SYT5: variants seen among roughly 807,000 people sequenced by gnomAD.
SYT5 encodes the protein synaptotagmin 5, also known as synaptotagmin-5.
SYT5 carries 29 observed loss-of-function variants against 36.0 expected under a neutral mutation model. The ratio of observed to expected loss-of-function variants is 0.81; its 90% CI spans 0.60 to 1.10. The LOEUF is 1.10. SYT5 is among the 50% of genes least tolerant of loss of function. The pLI, the probability that SYT5 is intolerant of heterozygous loss-of-function variation, is 0.00. For missense variants in SYT5, 512 were observed against 516.0 expected (o/e 0.99, Z 0.08); for synonymous variants, 231 against 227.6 (o/e 1.02, Z -0.14).
At position 55,173,679 on chromosome 19, in the gene SYT5, C is replaced by A; in HGVS notation, c.966G>T (p.Val322=). ...AGTCCAGCACGGTCAGCTCCACCTGCACCTTCTGGGGTGGGCGCGGGAGGA... is the reference window on the plus strand; with the variant it reads ...AGTCCAGCACGGTCAGCTCCACCTGAACCTTCTGGGGTGGGCGCGGGAGGA... ...FEVPCDQVQK[V]QVELTVLDYD... The change falls in exon 9 of 9, where the codon GTG becomes GTT. Residue 322 remains valine, a synonymous_variant. Transcript: ENST00000354308. The surrounding 1 kb of genome is among the most constrained non-coding windows in gnomAD (Gnocchi z 5.4). 2.1e-6 allele frequency: 3 copies of A among 1,410,954 alleles called. No individual in the cohort carries two copies. The highest frequency in any genetic ancestry group is 3.1e-5 in the South Asian group (2 of 65,004). The allele number at this position is 1,410,954 out of a possible 1,614,324, so 87.4% of individuals were successfully genotyped here.
chr19:55,178,365 G>T lies in SYT5; in HGVS notation c.83C>A (p.Pro28His). The stretch of plus-strand genomic sequence containing the variant: ...CACGATGGTGGCCAGGGCCCAGGGG[G>T]GCACTGCAGAGGGGTGGAGACAACA... ...DSSRISHGPV[P>H]PWALATIVLV... The change falls in exon 3 of 9, where the codon CCC becomes CAC. Residue 28 changes from proline to histidine, a missense_variant. Pro to His is a moderately conservative substitution (Grantham distance 77). Transcript: ENST00000354308. 6.2e-7 allele frequency: 1 copy of T among 1,609,796 alleles called. No homozygotes were observed. The highest frequency in any genetic ancestry group is 1.3e-5 in the African/African-American group (1 of 75,056).
At chr19:55,177,889 T>C (rs943881888) in intron 3 of SYT5, among the ~76,000 whole-genome samples, 2 of 152,240 alleles carry the variant, frequency 1.3e-5, no homozygotes, top group Non-Finnish European at 1.5e-5. Flanking sequence ...TGTAGGTTTC[T>C]ATACAGTGGG....
rs537469871 is a variant in SYT5, at chr19:55,176,843, T to C, written c.253-719A>G. ...CGGATGCTAATTGAACAGCTCCTTA[T>C]TGAGAAGGAAGGAGGGGAAATACCA... On this transcript the variant is annotated intron_variant, in intron 3 of 8. Transcript: ENST00000354308. 5.9e-5 allele frequency among the ~76,000 whole-genome samples: 9 copies of C among 152,238 alleles called. No individual in the cohort carries two copies. In the East Asian group the frequency reaches 1.7e-3, roughly 29 times the overall value.
At chr19:55,174,859 C>T (rs1283822527) in intron 7 of SYT5, 23 bp downstream of exon 7, 3 of 1,610,958 alleles carry the variant, frequency 1.9e-6, no homozygotes, top group East Asian at 2.2e-5. Flanking sequence ...CCCACACACC[C>T]CACTCCCTTG....
chr19:55,178,055 G>A (rs564511110), intron 3 of SYT5, 141 bp downstream of exon 3: 117 of 962,948 alleles, frequency 1.2e-4, no homozygotes, highest in Non-Finnish European at 1.7e-4. Flanking sequence ...GAGTCCAGTT[G>A]AGGGCTAGAC....
In SYT5 at chr19:55,175,206, G is replaced by T. The variant is rs909966949; in HGVS notation, c.674C>A (p.Ala225Asp). 4 of 1,609,704 alleles carry T rather than the reference G, an allele frequency of 2.5e-6. No individual in the cohort carries two copies. In the African/African-American group the frequency reaches 5.3e-5, roughly 22 times the overall value. Residue 225 changes from alanine (A) to aspartate (D), a missense_variant, in exon 6 of 9, where the codon GCC becomes GAC. Coordinates refer to ENST00000354308, the MANE Select transcript of SYT5 (RefSeq NM_003180.3). The surrounding 1 kb of genome is among the most constrained non-coding windows in gnomAD (Gnocchi z 4.5). ...SSVDLGRPVQAWRELQAAPRE... is the reference protein window; with the variant it reads ...SSVDLGRPVQDWRELQAAPRE... ...CGGAGCCGCCTGCAGCTCCCGCCAG[G>T]CCTGCACTGGCCGCCCCAGGTCCAC...
At position 55,179,246 on chromosome 19, in the gene SYT5, G is replaced by C; in HGVS notation, c.-45-160C>G. ...ATCAGCCTCCCCGCACTTGAGAGGG[G>C]GTGTCCAGGACCTAGTTCCATCCTA... On this transcript the variant is annotated intron_variant, in intron 1 of 8. Coordinates refer to ENST00000354308, the MANE Select transcript of SYT5 (RefSeq NM_003180.3). The surrounding 1 kb of genome is among the most constrained non-coding windows in gnomAD (Gnocchi z 4.5). 1 of 1,484,374 alleles carries C rather than the reference G, an allele frequency of 6.7e-7. No individual in the cohort carries two copies. Among genetic ancestry groups the C allele is most frequent in the Non-Finnish European group, 8.9e-7 (1 of 1,121,190 alleles). 92.0% of individuals were successfully genotyped at this position (1,484,374 alleles called of 1,614,324 possible).
Position 55,175,112 on chromosome 19 carries a change from G to T in SYT5, c.708+60C>A. 1 of 1,581,568 alleles carries T rather than the reference G, an allele frequency of 6.3e-7. No homozygotes were observed. The highest frequency in any genetic ancestry group is 8.6e-7 in the Non-Finnish European group (1 of 1,167,606). ...AAAGCCTATGATCTGATTGGCTCAG[G>T]ATGTTGTGGGCGGGACTGGGCCTGG... is the stretch of plus-strand genomic sequence containing the variant. On this transcript the variant is annotated intron_variant, in intron 6 of 8. Transcript: ENST00000354308. The surrounding 1 kb of genome is among the most constrained non-coding windows in gnomAD (Gnocchi z 4.5).
rs2086014518 is a variant in SYT5 at position 55,172,410 on chromosome 19, G to GACTT, written c.*1070_*1073dup. 1 of 145,232 alleles carries GACTT rather than the reference G, an allele frequency of 6.9e-6. No individual in the cohort carries two copies. The highest frequency in any genetic ancestry group is 7.1e-5 in the Admixed American group (1 of 14,036). The allele number at this position is 145,232 out of a possible 1,614,324, so 9.0% of individuals were successfully genotyped here. ...CACTCCAGCCTGGGCGACAAAGTGA[G>GACTT]ACTTCATCTCAAAAAAACAAAAACA... On this transcript the variant is annotated 3_prime_UTR_variant, in exon 9 of 9. Transcript: ENST00000354308.
In SYT5 at chr19:55,175,082, T is replaced by C; in HGVS notation, c.709-83A>G. 1.9e-6 allele frequency: 3 copies of C among 1,593,532 alleles called. No individual in the cohort carries two copies. The highest frequency in any genetic ancestry group is 2.6e-6 in the Non-Finnish European group (3 of 1,172,640). On this transcript the variant is annotated intron_variant, in intron 6 of 8. Coordinates refer to ENST00000354308, the MANE Select transcript of SYT5 (RefSeq NM_003180.3). The surrounding 1 kb of genome is among the most constrained non-coding windows in gnomAD (Gnocchi z 4.5). ...GGTACAATCCACGCCGCCCTGAGGG[T>C]CTGGAAAGCCTATGATCTGATTGGC...
At chr19:55,178,831 C>A in intron 2 of SYT5, 132 bp downstream of exon 2, 1 of 864,394 alleles carries the variant, frequency 1.2e-6, no homozygotes, top group Non-Finnish European at 1.4e-6. Context: ...CATTCCAGTC[C>A]AGGATGACGA....
Position 55,173,297 on chromosome 19 carries a change from A to T in SYT5, c.*187T>A, listed in dbSNP as rs1207919616. ...CGCGAGGGTCGGGGGAGTGTGCTGG[A>T]AAGTTGTCGTGATTGGCATCGTTGG... On this transcript the variant is annotated 3_prime_UTR_variant, in exon 9 of 9. Coordinates refer to ENST00000354308, the MANE Select transcript of SYT5 (RefSeq NM_003180.3). The surrounding 1 kb of genome is among the most constrained non-coding windows in gnomAD (Gnocchi z 5.4). 2.1e-6 allele frequency: 1 copy of T among 466,122 alleles called. No homozygotes were observed. The highest frequency in any genetic ancestry group is 2.0e-5 in the African/African-American group (1 of 49,280). The allele number at this position is 466,122 out of a possible 1,614,324, so 28.9% of individuals were successfully genotyped here.
chr19:55,176,123 A>C lies in SYT5; in HGVS notation c.254T>G (p.Val85Gly). 6.2e-7 allele frequency: 1 copy of C among 1,613,984 alleles called. No individual in the cohort carries two copies. The highest frequency in any genetic ancestry group is 8.5e-7 in the Non-Finnish European group (1 of 1,179,992). ...KGLGQSYIDK[V>G]QPEVEELEPA... ...CTCCAGCTCCTCTACTTCTGGCTGC[A>C]CCTTAAGGAGCCAGGGGTAAGGGTG... The change falls in exon 4 of 9, where the codon GTG (valine) becomes GGG (glycine). Residue 85 changes from valine to glycine, a missense_variant and splice_region_variant. Transcript: ENST00000354308.
rs962971751 is a variant in SYT5, at chr19:55,171,619, G to A, written c.*1865C>T. 9 of 152,096 alleles carry A rather than the reference G, an allele frequency of 5.9e-5. No individual in the cohort carries two copies. The highest frequency in any genetic ancestry group is 1.7e-4 in the African/African-American group (7 of 41,402). The allele number at this position is 152,096 out of a possible 1,614,324, so 9.4% of individuals were successfully genotyped here. On this transcript the variant is annotated 3_prime_UTR_variant, in exon 9 of 9. Transcript: ENST00000354308. The stretch of plus-strand genomic sequence containing the variant: ...CTGTATGGGATGAGATAAGGTAGAA[G>A]CCAATGGAACTATCATCTTTGCTAG...
chr19:55,176,942 C>A (rs1474150392), intron 3 of SYT5: 1 of 152,266 alleles, frequency 6.6e-6, no homozygotes, highest in Non-Finnish European at 1.5e-5. Context: ...GGAAATGGTC[C>A]TTCTTGGTTG....
At chr19:55,176,193 C>T (rs2086075443) in intron 3 of SYT5, 69 bp from the exon 4 acceptor site, 3 of 1,605,196 alleles carry the variant, frequency 1.9e-6, no homozygotes, top group African/African-American at 2.7e-5. Flanking sequence ...GCTCAGAAGC[C>T]AAGGGAGGCT....
rs1430590006 is a variant in SYT5, at chr19:55,173,491, G to A, written c.1154C>T (p.Ala385Val). The change falls in exon 9 of 9, where the codon GCG becomes GTG. Residue 385 changes from alanine to valine, a missense_variant. Transcript: ENST00000354308. The surrounding 1 kb of genome is among the most constrained non-coding windows in gnomAD (Gnocchi z 5.4). ...RPPDRVRLLP[A>V]P Reference sequence around the variant, plus strand: ...GGGGGCTTGGGGTGGGAGTCAGGGCGCAGGCAGCAGCCTCACTCGGTCCGG... The same window carrying A: ...GGGGGCTTGGGGTGGGAGTCAGGGCACAGGCAGCAGCCTCACTCGGTCCGG... 8 of 1,360,306 alleles carry A rather than the reference G, an allele frequency of 5.9e-6. No individual in the cohort carries two copies. Among genetic ancestry groups the A allele is most frequent in the African/African-American group, 1.5e-5 (1 of 65,192 alleles). 84.3% of individuals were successfully genotyped at this position (1,360,306 alleles called of 1,614,324 possible). A position where few individuals can be genotyped will look rare whatever the true frequency, so the allele number is the denominator to read the frequency against.
In SYT5 at chr19:55,175,610, G is replaced by A; in HGVS notation, c.540+99C>T. On this transcript the variant is annotated intron_variant, in intron 5 of 8. Transcript: ENST00000354308. This position sits in a 1 kb window ranked among gnomAD's most constrained non-coding sequence, Gnocchi z 4.5. ...CCCAGAGCTGGTAGCTGCCACCTGA[G>A]CTGTGGCCGCCTCCAGGAAAAGCGG... 1 of 1,480,812 alleles carries A rather than the reference G, an allele frequency of 6.8e-7. No individual in the cohort carries two copies. The highest frequency in any genetic ancestry group is 9.2e-7 in the Non-Finnish European group (1 of 1,084,998). The allele number at this position is 1,480,812 out of a possible 1,614,324, so 91.7% of individuals were successfully genotyped here.
rs1257439562 is a variant in SYT5, at chr19:55,178,378, G to A, written c.80-10C>T. On this transcript the variant is annotated splice_polypyrimidine_tract_variant and intron_variant, in intron 2 of 8. Transcript: ENST00000354308. ...AGGGCCCAGGGGGGCACTGCAGAGG[G>A]GTGGAGACAACACACATTGAGGCCT... 6.2e-7 allele frequency: 1 copy of A among 1,607,448 alleles called. No homozygotes were observed. Among genetic ancestry groups the A allele is most frequent in the Non-Finnish European group, 8.5e-7 (1 of 1,177,846 alleles).
Sources: gnomAD v4.1 joint callset for allele counts (sites outside exome capture counted in the v4.1 genomes callset) on GRCh38, gnomAD v4.1.1 for gene constraint, Gnocchi (gnomAD v3.1) non-coding constraint, MANE v1.5 for transcripts, NCBI Gene and HGNC (gene_info 2026-07-23, HGNC 2026-07-21) for gene names.